RIN2: variants seen among roughly 807,000 people sequenced by gnomAD.
The protein encoded by RIN2 is RAB5 interacting protein 2.
In RIN2, 36 loss-of-function variants were observed where a neutral mutation model predicts 78.0. The observed-to-expected ratio is 0.46, with a 90% CI of 0.35 to 0.61. RIN2 has a LOEUF of 0.61. Among genes scored for constraint, RIN2 ranks in the 20% least tolerant of loss-of-function variants. RIN2 has a pLI of 0.00. For synonymous variants in RIN2, 466 were observed against 466.8 expected, an observed-to-expected ratio of 1.00 and a Z score of 0.02; for missense variants, 1,087 against 1,159.7, an observed-to-expected ratio of 0.94 and a Z score of 0.91.
intron 2 of RIN2, among the ~76,000 whole-genome samples, chr20:19,803,168 CCTGT>C (rs753080007): frequency 1.3e-5 from 2 of 152,188 alleles, no homozygotes; most frequent in Admixed American, 6.5e-5. Context: ...TTCTCTTTTA[CCTGT>C]CTATTTTCCT....
chr20:19,844,584 GCTGCTGCTGCTTCTTCCTCTT>G (rs1320291890), intron 2 of RIN2, among the ~76,000 whole-genome samples: 9 of 139,756 alleles, frequency 6.4e-5, no homozygotes, highest in African/African-American at 2.4e-4. Context: ...AGCTGCTGCT[GCTGCTGCTGCTTCTTCCTCTT>G]CTTCTTCTTC....
At chr20:19,762,678 T>C (rs1026122543) in intron 1 of RIN2, among the ~76,000 whole-genome samples, 1 of 152,104 alleles carries the variant, frequency 6.6e-6, no homozygotes, top group African/African-American at 2.4e-5. Context: ...GGAGTTCAAG[T>C]GTGTGTGTGA....
intron 2 of RIN2, among the ~76,000 whole-genome samples, chr20:19,884,446 A>G (rs1376502163): frequency 6.6e-6 from 1 of 152,122 alleles, no homozygotes; most frequent in Admixed American, 6.6e-5. Flanking sequence ...TAAAATTAAA[A>G]TTAAAACACT....
chr20:19,887,526 T>TG (rs1195707703), intron 2 of RIN2, among the ~76,000 whole-genome samples: 6 of 152,136 alleles, frequency 3.9e-5, no homozygotes, highest in Admixed American at 3.9e-4. Context: ...TGAAATGTGA[T>TG]GGATCTGCCT....
intron 3 of RIN2, among the ~76,000 whole-genome samples, chr20:19,930,171 G>A (rs920663889): frequency 2.0e-5 from 3 of 152,180 alleles, no homozygotes; most frequent in African/African-American, 7.2e-5. Flanking sequence ...CCAGCCAAGT[G>A]CAACCTCTGT....
intron 1 of RIN2, among the ~76,000 whole-genome samples, chr20:19,764,072 CTTTT>C (rs907653371): frequency 6.6e-6 from 1 of 151,942 alleles, no homozygotes; most frequent in Non-Finnish European, 1.5e-5. Flanking sequence ...TGAGTGAAGT[CTTTT>C]TTTAAGTAAG....
At chr20:19,838,789 G>A (rs974655260) in intron 2 of RIN2, among the ~76,000 whole-genome samples, 2 of 152,252 alleles carry the variant, frequency 1.3e-5, no homozygotes, top group East Asian at 1.9e-4. Context: ...GCACTCCGGC[G>A]TCTATTTCTC....
intron 4 of RIN2, among the ~76,000 whole-genome samples, chr20:19,948,717 C>T (rs2041196133): frequency 6.6e-6 from 1 of 152,134 alleles, no homozygotes; most frequent in Admixed American, 6.5e-5. Flanking sequence ...CATTTAAAAA[C>T]TCCAGTTTCT....
At chr20:19,898,117 T>C (rs1052861688) in intron 3 of RIN2, among the ~76,000 whole-genome samples, 2 of 152,272 alleles carry the variant, frequency 1.3e-5, no homozygotes, top group African/African-American at 2.4e-5. Flanking sequence ...AGGAATGCTA[T>C]GAGCCTATCG....
chr20:19,894,812 C>T (rs940224162), intron 3 of RIN2, among the ~76,000 whole-genome samples: 1 of 152,116 alleles, frequency 6.6e-6, no homozygotes, highest in Admixed American at 6.5e-5. Flanking sequence ...TAAATGATGC[C>T]TATAATCCAC....
intron 2 of RIN2, among the ~76,000 whole-genome samples, chr20:19,868,955 G>A (rs79175044): frequency 0.038 from 5,800 of 152,016 alleles, 318 homozygotes; most frequent in East Asian, 0.19. Context: ...GGTGGCATGT[G>A]CCTCTAATTC....
chr20:19,837,459 C>T (rs1480048437), intron 2 of RIN2, among the ~76,000 whole-genome samples: 4 of 152,070 alleles, frequency 2.6e-5, no homozygotes, highest in African/African-American at 7.2e-5. Flanking sequence ...GTTTAATTTG[C>T]GTTTTTGTTA....
chr20:19,924,941 G>T (rs988432918), intron 3 of RIN2, among the ~76,000 whole-genome samples: 1 of 150,486 alleles, frequency 6.6e-6, no homozygotes. Context: ...GTTTCTCCAA[G>T]TTGGTCAGGC....
In RIN2 at chr20:19,992,205, G is replaced by A. The variant is rs770739122; in HGVS notation, c.2106G>A (p.Leu702=). Residue 702 remains leucine, a synonymous_variant, in exon 11 of 13, where the codon CTG becomes CTA. Coordinates refer to ENST00000255006, the MANE Select transcript of RIN2 (RefSeq NM_018993.4). ...MYGADDFLPV[L]TYVIAQCDML... ...GCGCTGATGACTTCTTGCCAGTCCT[G>A]ACCTATGTCATAGCCCAGTGTGACA... is the stretch of plus-strand genomic sequence containing the variant. The A allele has an allele frequency of 1.2e-6, 2 of 1,612,488 alleles. No homozygotes were observed. The highest frequency in any genetic ancestry group is 1.7e-6 in the Non-Finnish European group (2 of 1,179,360).
intron 8 of RIN2, among the ~76,000 whole-genome samples, chr20:19,973,174 T>C (rs2042160161): frequency 6.6e-6 from 1 of 152,176 alleles, no homozygotes; most frequent in African/African-American, 2.4e-5. Context: ...CGTTTTCCAG[T>C]AACTGAACTG....
chr20:19,781,782 CT>C (rs72107329), intron 1 of RIN2, among the ~76,000 whole-genome samples: 19,428 of 143,648 alleles, frequency 0.14, 1,527 homozygotes, highest in African/African-American at 0.24. Context: ...AGATTATACA[CT>C]TTTTTTTTTT....
Position 19,995,355 on chromosome 20 carries a change from T to C in RIN2, c.2201-1324T>C, listed in dbSNP as rs566256424. Among the ~76,000 whole-genome samples the C allele has an allele frequency of 1.6e-4, 24 of 152,126 alleles. No individual in the cohort carries two copies. The South Asian group carries it at 3.7e-3, about 24-fold the overall frequency. On this transcript the variant is annotated intron_variant, in intron 11 of 12. Coordinates refer to ENST00000255006, the MANE Select transcript of RIN2 (RefSeq NM_018993.4). ...ACAAACCTACTTTCTTCTCTGTAGC[T>C]GTGGCTCACAGTAGAGATTCAATGA... is the stretch of plus-strand genomic sequence containing the variant.
intron 1 of RIN2, among the ~76,000 whole-genome samples, chr20:19,776,408 TAAC>T (rs2034311199): frequency 6.6e-6 from 1 of 152,186 alleles, no homozygotes; most frequent in Non-Finnish European, 1.5e-5. Context: ...CTTTAGATAA[TAAC>T]TCTTGCAACC....
At chr20:19,767,562 T>C (rs1028538376) in intron 1 of RIN2, among the ~76,000 whole-genome samples, 7 of 152,158 alleles carry the variant, frequency 4.6e-5, no homozygotes, top group Non-Finnish European at 7.4e-5. Flanking sequence ...TGACTTTTGC[T>C]TCTGAGGCCC....
Sources: allele counts gnomAD v4.1 joint callset (sites outside exome capture counted in the v4.1 genomes callset), GRCh38; gene constraint gnomAD v4.1.1; transcripts MANE v1.5; gene names NCBI Gene and HGNC (gene_info 2026-07-23, HGNC 2026-07-21).